Variants in DPRX observed in about 807,000 individuals in gnomAD.
DPRX encodes the protein divergent-paired related homeobox.
Under a neutral mutation model 8.4 loss-of-function variants are expected in DPRX, and 11 were observed. That is an observed-to-expected ratio of 1.31 (90% CI 0.82 to 2.17). The LOEUF (loss-of-function observed/expected upper bound fraction) is 2.17, where lower values mean the gene tolerates loss of function less well. Among genes scored for constraint, DPRX ranks in the 30% most tolerant of loss-of-function variants. The pLI is 0.00. For synonymous variants in DPRX, 72 were observed against 87.0 expected (o/e 0.83, Z 0.96); for missense variants, 211 against 236.7 (o/e 0.89, Z 0.71).
chr19:53,609,747 G>GCT, the DPRX span, among the ~76,000 whole-genome samples: 1 of 48,240 alleles, frequency 2.1e-5, no homozygotes. Flanking sequence ...CACTTTGGGA[G>GCT]GCCAAGGCGG....
chr19:53,609,466 CAAAAAAAAAAAAAAAAAAAA>C, the DPRX span, among the ~76,000 whole-genome samples: 1 of 55,486 alleles, frequency 1.8e-5, no homozygotes, highest in African/African-American at 7.4e-5. Flanking sequence ...GACTCGGTCT[CAAAAAAAAAAAAAAAAAAAA>C]AAAAAAAAAA....
the DPRX span, among the ~76,000 whole-genome samples, chr19:53,626,157 C>G: frequency 6.6e-6 from 1 of 152,068 alleles, no homozygotes; most frequent in South Asian, 2.1e-4. Context: ...AGGCTGGTCA[C>G]AAACTCCTGA....
At chr19:53,616,978 G>A in the DPRX span, 2 of 1,184,350 alleles carry the variant, frequency 1.7e-6, no homozygotes, top group Admixed American at 3.4e-5. Flanking sequence ...ACCGCCAGGT[G>A]TTGGCTCTAT....
the DPRX span, chr19:53,617,140 C>T: frequency 2.8e-4 from 331 of 1,188,182 alleles, no homozygotes; most frequent in African/African-American, 4.3e-3. Context: ...CACCAAATAT[C>T]CCAAAACTCA....
the DPRX span, among the ~76,000 whole-genome samples, chr19:53,604,032 C>T: frequency 2.0e-5 from 3 of 152,078 alleles, no homozygotes; most frequent in East Asian, 5.8e-4. Flanking sequence ...AGGCGTGAGC[C>T]ACCGCGCCCC....
At chr19:53,611,336 C>T in the DPRX span, among the ~76,000 whole-genome samples, 19 of 152,006 alleles carry the variant, frequency 1.2e-4, no homozygotes, top group Non-Finnish European at 2.4e-4. Flanking sequence ...AGGCTCAAGG[C>T]ATCCTCCCAC....
At chr19:53,616,171 G>T in the DPRX span, among the ~76,000 whole-genome samples, 2 of 152,050 alleles carry the variant, frequency 1.3e-5, no homozygotes, top group South Asian at 4.1e-4. Context: ...AGAATCGCTT[G>T]AATCCAGGAG....
the DPRX span, chr19:53,603,536 G>C: frequency 7.5e-6 from 3 of 398,306 alleles, no homozygotes; most frequent in Non-Finnish European, 1.5e-5. Context: ...TGAAATTCTC[G>C]TCTGGCTGGT....
At chr19:53,617,553 C>T in the DPRX span, among the ~76,000 whole-genome samples, 20 of 122,764 alleles carry the variant, frequency 1.6e-4, no homozygotes, top group Admixed American at 2.9e-4. Flanking sequence ...AGTAAATCTC[C>T]GTCTCACCAA....
chr19:53,620,572 T>C, the DPRX span, among the ~76,000 whole-genome samples: 3 of 150,842 alleles, frequency 2.0e-5, no homozygotes, highest in South Asian at 6.3e-4. Flanking sequence ...ACCATGTTGG[T>C]CAGGCTGGTC....
the DPRX span, among the ~76,000 whole-genome samples, chr19:53,614,957 A>AT: frequency 1.5e-3 from 214 of 146,470 alleles, no homozygotes; most frequent in African/African-American, 4.8e-3. Context: ...CTGTCTCTCT[A>AT]TTTTTTTTTT....
chr19:53,632,601 A>G (rs1030590398), intron 1 of DPRX, among the ~76,000 whole-genome samples: 1 of 151,518 alleles, frequency 6.6e-6, no homozygotes, highest in Non-Finnish European at 1.5e-5. Context: ...GAGCCACTGC[A>G]CCCGGCCCAA....
intron 2 of DPRX, among the ~76,000 whole-genome samples, chr19:53,636,388 A>AAAAT (rs1048681818): frequency 1.3e-5 from 2 of 148,960 alleles, no homozygotes; most frequent in Non-Finnish European, 3.0e-5. Flanking sequence ...AAATAAAATA[A>AAAAT]AAATAAATAA....
At chr19:53,619,171 G>T in the DPRX span, among the ~76,000 whole-genome samples, 1 of 152,094 alleles carries the variant, frequency 6.6e-6, no homozygotes, top group African/African-American at 2.4e-5. Context: ...GGTTTATTTA[G>T]AATGTGATCC....
At chr19:53,609,757 G>A in the DPRX span, among the ~76,000 whole-genome samples, 1 of 151,882 alleles carries the variant, frequency 6.6e-6, no homozygotes, top group African/African-American at 2.4e-5. Context: ...GGCCAAGGCG[G>A]GCAGGTCACC....
chr19:53,634,171 A>C (rs1032152701), intron 1 of DPRX, among the ~76,000 whole-genome samples: 6 of 151,596 alleles, frequency 4.0e-5, no homozygotes, highest in Non-Finnish European at 5.9e-5. Flanking sequence ...TGGCTCACGC[A>C]TGTAATCCCA....
intron 2 of DPRX, among the ~76,000 whole-genome samples, 194 bp downstream of exon 2, chr19:53,634,879 C>G (rs533522011): frequency 6.6e-6 from 1 of 152,228 alleles, no homozygotes; most frequent in Admixed American, 6.5e-5. Flanking sequence ...AGTAAAGGAC[C>G]AGGTAGTAAA....
upstream of DPRX, among the ~76,000 whole-genome samples, chr19:53,627,581 C>T (rs886810759): frequency 1.3e-5 from 2 of 151,036 alleles, no homozygotes; most frequent in African/African-American, 4.8e-5. Flanking sequence ...GGATCACAGG[C>T]GCCTACCACC....
the DPRX span, among the ~76,000 whole-genome samples, chr19:53,623,306 C>CAAAAAAAAA: frequency 3.9e-5 from 3 of 77,726 alleles, no homozygotes; most frequent in Non-Finnish European, 5.2e-5. Context: ...GACTCTGTCT[C>CAAAAAAAAA]AAAAAAATAA....
Sources: gnomAD v4.1 joint callset for allele counts (sites outside exome capture counted in the v4.1 genomes callset) on GRCh38, gnomAD v4.1.1 for gene constraint, MANE v1.5 for transcripts, NCBI Gene and HGNC (gene_info 2026-07-23, HGNC 2026-07-21) for gene names.